Variants in CD36 observed in about 807,000 individuals in gnomAD.
The protein encoded by CD36 is CD36 molecule (CD36 blood group).
Under a neutral mutation model 55.2 loss-of-function variants are expected in CD36, and 119 were observed. The ratio of observed to expected loss-of-function variants is 2.15; its 90% CI spans 1.86 to 2.51. CD36 has a LOEUF of 2.51. CD36 is among the 30% of genes most tolerant of loss of function. The pLI is 0.00. For missense variants in CD36, 819 were observed against 555.5 expected, an observed-to-expected ratio of 1.47 and a Z score of -4.77; for synonymous variants, 186 against 193.6, an observed-to-expected ratio of 0.96 and a Z score of 0.33.
rs560684409 is a variant in CD36 at position 80,673,821 on chromosome 7, A to ATTGCCTTTCTTGACTT, written c.1255-161_1255-146dup. 1.3e-3 allele frequency: 877 copies of ATTGCCTTTCTTGACTT among 665,764 alleles called. 19 individuals carry two copies. The South Asian group carries it at 0.014, about 11-fold the overall frequency. The allele number at this position is 665,764 out of a possible 1,614,324, so 41.2% of individuals were successfully genotyped here. A position where few individuals can be genotyped will look rare whatever the true frequency, so the allele number is the denominator to read the frequency against. On this transcript the variant is annotated intron_variant, in intron 13 of 14. Transcript: ENST00000447544. ...AGTACCGTACTCTATCTGGCACTTAATTGCCTTTCTTGACTTGCAAAAGGA... is the reference window on the plus strand; with the variant it reads ...AGTACCGTACTCTATCTGGCACTTAATTGCCTTTCTTGACTTTTGCCTTTCTTGACTTGCAAAAGGA...
chr7:80,670,570 C>T (rs1446760964), intron 9 of CD36: 6 of 228,770 alleles, frequency 2.6e-5, no homozygotes, highest in East Asian at 1.1e-4. Flanking sequence ...ACTTGGTAAA[C>T]GATGGAAATG....
At chr7:80,624,499 A>T (rs994634270) in intron 1 of CD36, among the ~76,000 whole-genome samples, 1 of 152,196 alleles carries the variant, frequency 6.6e-6, no homozygotes, top group Non-Finnish European at 1.5e-5. Flanking sequence ...GTAAGAAGGC[A>T]TTCAAAAATA....
rs945236206 is a variant in CD36, at chr7:80,676,460, G to A, written c.*77G>A. ...TCTGGGTGGCCAATTCAGAAGAAGA[G>A]TGTACATGCTCAACAAATCCTAGGC... On this transcript the variant is annotated 3_prime_UTR_variant, in exon 15 of 15. Coordinates refer to ENST00000447544, the MANE Select transcript of CD36 (RefSeq NM_001001548.3). The A allele has an allele frequency of 6.6e-6, 1 of 152,104 alleles. No homozygotes were observed. The highest frequency in any genetic ancestry group is 2.4e-5 in the African/African-American group (1 of 41,408). The allele number at this position is 152,104 out of a possible 1,614,324, so 9.4% of individuals were successfully genotyped here.
At chr7:80,639,059 A>T (rs1158454872) in intron 1 of CD36, among the ~76,000 whole-genome samples, 2 of 152,086 alleles carry the variant, frequency 1.3e-5, no homozygotes, top group African/African-American at 4.8e-5. Flanking sequence ...TTTTATACTT[A>T]GGCTATTTAT....
At chr7:80,613,285 A>G (rs978048710) in intron 1 of CD36, among the ~76,000 whole-genome samples, 4 of 151,944 alleles carry the variant, frequency 2.6e-5, no homozygotes, top group Non-Finnish European at 5.9e-5. Context: ...AAGTTTCTCT[A>G]TTTTTTCTTT....
chr7:80,632,324 A>T (rs997221883), intron 1 of CD36, among the ~76,000 whole-genome samples: 1 of 151,756 alleles, frequency 6.6e-6, no homozygotes, highest in African/African-American at 2.4e-5. Context: ...GTTTCTTTTA[A>T]ATTATTTTTG....
At chr7:80,627,499 C>G (rs1194440043) in intron 1 of CD36, among the ~76,000 whole-genome samples, 1 of 151,196 alleles carries the variant, frequency 6.6e-6, no homozygotes, top group African/African-American at 2.4e-5. Flanking sequence ...ACCCACTGCT[C>G]TTTAACAGAA....
At position 80,646,638 on chromosome 7, in the gene CD36, C is replaced by G; in HGVS notation, c.-89-14C>G. On this transcript the variant is annotated splice_polypyrimidine_tract_variant and intron_variant, in intron 2 of 14. Transcript: ENST00000447544. The stretch of plus-strand genomic sequence containing the variant: ...TATTTAAGCTTCTGTTTTATGATCT[C>G]TTTCTAATGATAGAACCAGAGCTTG... The G allele has an allele frequency of 7.2e-7, 1 of 1,381,290 alleles. No homozygotes were observed. The allele number at this position is 1,381,290 out of a possible 1,614,324, so 85.6% of individuals were successfully genotyped here.
chr7:80,675,448 T>C (rs1032522386), intron 14 of CD36, among the ~76,000 whole-genome samples: 4 of 152,172 alleles, frequency 2.6e-5, no homozygotes, highest in African/African-American at 9.7e-5. Context: ...GATACATTTT[T>C]ATGATTGCTT....
chr7:80,619,804 C>T (rs1183427232), intron 1 of CD36, among the ~76,000 whole-genome samples: 2 of 152,016 alleles, frequency 1.3e-5, no homozygotes, highest in Non-Finnish European at 1.5e-5. Flanking sequence ...GAAATAGCAA[C>T]ATCAACAGGA....
intron 3 of CD36, among the ~76,000 whole-genome samples, chr7:80,649,158 A>G (rs1795407349): frequency 6.6e-6 from 1 of 152,094 alleles, no homozygotes; most frequent in South Asian, 2.1e-4. Flanking sequence ...TAATCTTCAA[A>G]AATATCTGTG....
intron 3 of CD36, among the ~76,000 whole-genome samples, chr7:80,647,788 T>C (rs1161919878): frequency 1.3e-5 from 2 of 152,158 alleles, no homozygotes; most frequent in Non-Finnish European, 2.9e-5. Flanking sequence ...CCTGAAGGCA[T>C]AAATGTTCAT....
chr7:80,657,989 A>G (rs1485107458), intron 4 of CD36, among the ~76,000 whole-genome samples: 1 of 152,224 alleles, frequency 6.6e-6, no homozygotes, highest in Admixed American at 6.5e-5. Flanking sequence ...CCCAAAATAA[A>G]ATGAAATAAC....
rs1297495774 is a variant in CD36, at chr7:80,656,660, A to G, written c.241A>G (p.Ser81Gly). The change falls in exon 4 of 15, where the codon AGC (serine) becomes GGC (glycine). Residue 81 changes from serine to glycine, a missense_variant. Ser to Gly is a moderately conservative substitution (Grantham distance 56). Coordinates refer to ENST00000447544, the MANE Select transcript of CD36 (RefSeq NM_001001548.3). Reference protein sequence around the residue: ...QNPQEVMMNSSNIQVKQRGPY... With the variant: ...QNPQEVMMNSGNIQVKQRGPY... Reference sequence around the variant, plus strand: ...TCCACAGGAAGTGATGATGAACAGCAGCAACATTCAAGTTAAGCAAAGAGG... The same window carrying G: ...TCCACAGGAAGTGATGATGAACAGCGGCAACATTCAAGTTAAGCAAAGAGG... 1 of 1,613,812 alleles carries G rather than the reference A, an allele frequency of 6.2e-7. No homozygotes were observed. Among genetic ancestry groups the G allele is most frequent in the Non-Finnish European group, 8.5e-7 (1 of 1,179,776 alleles).
chr7:80,643,738 T>C (rs1794964992), intron 1 of CD36, among the ~76,000 whole-genome samples: 1 of 152,200 alleles, frequency 6.6e-6, no homozygotes, highest in Non-Finnish European at 1.5e-5. Flanking sequence ...GATCTCATTT[T>C]ATCATCTCAT....
At chr7:80,659,982 A>T (rs748437283) in intron 4 of CD36, among the ~76,000 whole-genome samples, 3 of 152,170 alleles carry the variant, frequency 2.0e-5, no homozygotes, top group Non-Finnish European at 2.9e-5. Context: ...TATACCAGGC[A>T]TGATGCTTAG....
chr7:80,662,327 G>T (rs909509683), intron 5 of CD36: 2 of 167,442 alleles, frequency 1.2e-5, no homozygotes, highest in Non-Finnish European at 2.7e-5. Flanking sequence ...TGGAGAGGAA[G>T]TCAGTTGTCC....
intron 12 of CD36, 41 bp downstream of exon 12, chr7:80,672,884 T>TATCGTAGTATCTTCTTGTAAGAACA (rs1562825824): frequency 1.6e-6 from 2 of 1,231,262 alleles, no homozygotes; most frequent in Admixed American, 3.4e-5. Flanking sequence ...TGATCTGTAG[T>TATCGTAGTATCTTCTTGTAAGAACA]ATCGTAGTAT....
intron 12 of CD36, 52 bp downstream of exon 12, chr7:80,672,895 C>A: frequency 8.6e-7 from 1 of 1,166,312 alleles, no homozygotes; most frequent in South Asian, 1.3e-5. Context: ...ATCGTAGTAT[C>A]TTCTTGTAAG....
Sources: allele counts gnomAD v4.1 joint callset (sites outside exome capture counted in the v4.1 genomes callset), GRCh38; gene constraint gnomAD v4.1.1; transcripts MANE v1.5; gene names NCBI Gene and HGNC (gene_info 2026-07-23, HGNC 2026-07-21).